Variants in PAK1 observed in about 807,000 individuals in gnomAD.
PAK1 encodes serine/threonine-protein kinase PAK 1.
A neutral mutation model predicts 67.4 loss-of-function variants in PAK1; 29 were observed. The ratio of observed to expected loss-of-function variants is 0.43; its 90% CI spans 0.32 to 0.59. The LOEUF (loss-of-function observed/expected upper bound fraction) is 0.59. Among genes scored for constraint, PAK1 ranks in the 20% least tolerant of loss-of-function variants. The probability of loss-of-function intolerance (pLI) is 0.07; values close to 1 mark genes in which losing one functional copy is unlikely to be tolerated. For missense variants in PAK1, 337 were observed against 670.7 expected, an observed-to-expected ratio of 0.50 and a Z score of 5.50; for synonymous variants, 223 against 237.4, an observed-to-expected ratio of 0.94 and a Z score of 0.56.
At chr11:77,494,268 C>G in the PAK1 span, among the ~76,000 whole-genome samples, 1 of 152,162 alleles carries the variant, frequency 6.6e-6, no homozygotes, top group Non-Finnish European at 1.5e-5. Flanking sequence ...TACACCCATA[C>G]AACTGAATAC....
chr11:77,460,189 A>T (rs7949721), intron 1 of PAK1, among the ~76,000 whole-genome samples: 29,923 of 148,276 alleles, frequency 0.2, 3,785 homozygotes, highest in Non-Finnish European at 0.3. Flanking sequence ...AAAAGGAAAA[A>T]GGGAGAGAGA....
At chr11:77,460,763 A>G (rs1343252655) in intron 1 of PAK1, among the ~76,000 whole-genome samples, 4 of 152,200 alleles carry the variant, frequency 2.6e-5, no homozygotes, top group African/African-American at 9.7e-5. Context: ...TCATTGTAAA[A>G]GAAGGGGCAA....
chr11:77,387,476 A>C (rs1950598551), intron 2 of PAK1, among the ~76,000 whole-genome samples: 1 of 152,202 alleles, frequency 6.6e-6, no homozygotes, highest in Admixed American at 6.5e-5. Flanking sequence ...ATTTAGGAAG[A>C]CTTAGTTCCA....
chr11:77,385,608 C>A (rs1035734344), intron 2 of PAK1, among the ~76,000 whole-genome samples: 3 of 152,220 alleles, frequency 2.0e-5, no homozygotes, highest in Admixed American at 2.0e-4. Context: ...GTAATCCCAG[C>A]ACTTTGGGCA....
At chr11:77,492,085 A>C in the PAK1 span, among the ~76,000 whole-genome samples, 1 of 152,224 alleles carries the variant, frequency 6.6e-6, no homozygotes, top group Non-Finnish European at 1.5e-5. Context: ...TCAGTCAATC[A>C]ACATATTTCA....
Position 77,434,165 on chromosome 11 carries a change from A to G in PAK1, c.-22+39387T>C, listed in dbSNP as rs191910835. ...TATACTTAAAGGTAAATGAAAATAT[A>G]TATCTACACAAAAAATGTACATAAA... On this transcript the variant is annotated intron_variant, in intron 1 of 14. Coordinates refer to ENST00000356341, the MANE Select transcript of PAK1 (RefSeq NM_002576.5). Among the ~76,000 whole-genome samples the G allele has an allele frequency of 1.4e-4, 21 of 152,338 alleles. No homozygotes were observed. In the East Asian group the frequency reaches 3.9e-3, roughly 28 times the overall value.
the PAK1 span, among the ~76,000 whole-genome samples, chr11:77,525,330 A>C: frequency 6.8e-6 from 1 of 146,568 alleles, no homozygotes; most frequent in African/African-American, 2.5e-5. Context: ...ACCGTGTCTC[A>C]AAAAAAAAAA....
chr11:77,418,382 G>C (rs990839512), intron 1 of PAK1, among the ~76,000 whole-genome samples: 3 of 152,184 alleles, frequency 2.0e-5, no homozygotes, highest in Admixed American at 6.5e-5. Flanking sequence ...GATACTCTAA[G>C]TGCAGTCTGT....
At chr11:77,479,049 C>A (rs1197922928), upstream of PAK1, among the ~76,000 whole-genome samples, 1 of 149,388 alleles carries the variant, frequency 6.7e-6, no homozygotes, top group Non-Finnish European at 1.5e-5. Flanking sequence ...CGCGCCACTG[C>A]ACTCCAGCCT....
intron 2 of PAK1, among the ~76,000 whole-genome samples, chr11:77,384,187 A>G (rs1407358633): frequency 6.6e-6 from 1 of 152,224 alleles, no homozygotes; most frequent in Non-Finnish European, 1.5e-5. Context: ...TCTTTCTTCC[A>G]TCTTTCCACC....
chr11:77,510,528 G>T, the PAK1 span, among the ~76,000 whole-genome samples: 5 of 152,118 alleles, frequency 3.3e-5, no homozygotes, highest in Admixed American at 3.3e-4. Flanking sequence ...TGTGTACACC[G>T]CACCTGGCCA....
At chr11:77,510,573 A>G in the PAK1 span, among the ~76,000 whole-genome samples, 1 of 152,194 alleles carries the variant, frequency 6.6e-6, no homozygotes, top group Non-Finnish European at 1.5e-5. Flanking sequence ...TCTTAGGACA[A>G]TGATTTTGTA....
chr11:77,441,682 GCAAAGCAAGAACT>G (rs1956362900), intron 1 of PAK1, among the ~76,000 whole-genome samples: 2 of 152,158 alleles, frequency 1.3e-5, no homozygotes, highest in Non-Finnish European at 2.9e-5. Context: ...TCAGTTAGTG[GCAAAGCAAGAACT>G]CAAACCCAGA....
intron 1 of PAK1, among the ~76,000 whole-genome samples, chr11:77,423,419 A>C (rs1490985705): frequency 1.3e-5 from 2 of 151,166 alleles, no homozygotes; most frequent in Admixed American, 1.3e-4. Flanking sequence ...ACACACACAC[A>C]CACACACACA....
rs141369353 is a variant in PAK1, at chr11:77,372,862, A to G, written c.477+1466T>C. 1.2e-3 allele frequency among the ~76,000 whole-genome samples: 185 copies of G among 152,316 alleles called. 1 individual carries two copies. The highest frequency in any genetic ancestry group is 6.2e-3 in the East Asian group (32 of 5,188). ...TAGATAACTAACTCATTCAGCTCAG[A>G]CTTTACCATCAGGAAGCTTTCTCTG... On this transcript the variant is annotated intron_variant, in intron 5 of 14. Transcript: ENST00000356341.
chr11:77,407,728 A>G (rs1953826500), intron 1 of PAK1, among the ~76,000 whole-genome samples: 1 of 152,212 alleles, frequency 6.6e-6, no homozygotes, highest in South Asian at 2.1e-4. Flanking sequence ...CCAGAAATTG[A>G]ATTTAAGTAA....
At chr11:77,331,737 T>G (rs1011800465) in intron 14 of PAK1, among the ~76,000 whole-genome samples, 1 of 151,054 alleles carries the variant, frequency 6.6e-6, no homozygotes, top group Non-Finnish European at 1.5e-5. Flanking sequence ...TATACATATG[T>G]AACAAACCTG....
At chr11:77,355,399 T>C (rs1945873858) in intron 7 of PAK1, among the ~76,000 whole-genome samples, 2 of 152,144 alleles carry the variant, frequency 1.3e-5, no homozygotes, top group Admixed American at 1.3e-4. Flanking sequence ...ACTATTTGTC[T>C]TCGCTATAAT....
chr11:77,393,249 C>T (rs1329610795), intron 1 of PAK1, among the ~76,000 whole-genome samples: 1 of 150,120 alleles, frequency 6.7e-6, no homozygotes, highest in Non-Finnish European at 1.5e-5. Flanking sequence ...CAGTGTTTCC[C>T]TCCTCTGAAA....
Sources: gnomAD v4.1 joint callset for allele counts (sites outside exome capture counted in the v4.1 genomes callset) on GRCh38, gnomAD v4.1.1 for gene constraint, MANE v1.5 for transcripts, NCBI Gene and HGNC (gene_info 2026-07-23, HGNC 2026-07-21) for gene names.